Variants in MGAM observed in about 807,000 individuals in gnomAD.
The protein encoded by MGAM is alpha-1,4-glucosidase.
In MGAM, 253 loss-of-function variants were observed where a neutral mutation model predicts 358.8. The observed-to-expected ratio is 0.71, with a 90% confidence interval of 0.64 to 0.78. MGAM has a LOEUF of 0.78. Ranked by LOEUF, MGAM falls within the 30% of genes least tolerant of loss-of-function variation. MGAM has a pLI of 0.00. For missense variants in MGAM, 3,080 were observed against 3,432.6 expected (o/e 0.90, Z 2.57); for synonymous variants, 1,105 against 1,227.1 (o/e 0.90, Z 2.08).
chr7:142,041,001 C>A (rs562480216), intron 21 of MGAM, among the ~76,000 whole-genome samples, 155 bp downstream of exon 21: 3 of 152,208 alleles, frequency 2.0e-5, no homozygotes, highest in African/African-American at 7.2e-5. Flanking sequence ...CCTTGGGAGG[C>A]TTTTCAATTC....
At chr7:142,027,877 AC>A in intron 10 of MGAM, 142 bp downstream of exon 10, 6 of 891,754 alleles carry the variant, frequency 6.7e-6, no homozygotes, top group East Asian at 3.5e-5. Context: ...AGAATACTAG[AC>A]ATTTTTTTTT....
intron 6 of MGAM, 89 bp downstream of exon 6, chr7:142,021,826 C>T: frequency 7.2e-7 from 1 of 1,394,680 alleles, no homozygotes; most frequent in Non-Finnish European, 1.0e-6. Context: ...CAACAATATT[C>T]CTGAAGGTTG....
chr7:142,097,220 A>T (rs1816002419), intron 65 of MGAM, among the ~76,000 whole-genome samples: 1 of 152,130 alleles, frequency 6.6e-6, no homozygotes, highest in African/African-American at 2.4e-5. Context: ...GACAGACGTG[A>T]GCCACCGTGT....
rs1240922992 is a variant in MGAM, at chr7:142,094,760, T to G, written c.7355T>G (p.Ile2452Ser). ...CTCTTGTTTCAGACGGGAGCAGATA[T>G]CTGTGGGTTCTTTCAAGATGCTGAA... ...LFGISYTGADICGFFQDAEYE... is the reference protein window; with the variant it reads ...LFGISYTGADSCGFFQDAEYE... The change falls in exon 63 of 71, where the codon ATC becomes AGC. Residue 2452 changes from isoleucine to serine, a missense_variant. Around this residue, in one of 5 missense-constraint regions of MGAM, gnomAD observed 932 missense variants for 1,198.2 expected, o/e 0.78. Coordinates refer to ENST00000475668, the MANE Select transcript of MGAM (RefSeq NM_001365693.1). 1 of 1,613,782 alleles carries G rather than the reference T, an allele frequency of 6.2e-7. No individual in the cohort carries two copies. Among genetic ancestry groups the G allele is most frequent in the East Asian group, 2.2e-5 (1 of 44,866 alleles).
Position 142,102,683 on chromosome 7 carries a change from A to G in MGAM, c.8013+4A>G. 5 of 1,612,770 alleles carry G rather than the reference A, an allele frequency of 3.1e-6. No homozygotes were observed. Among genetic ancestry groups the G allele is most frequent in the Non-Finnish European group, 4.2e-6 (5 of 1,179,206 alleles). ...GGCCAGCTTTTCTGCCAGCCAGGTG[A>G]GTGTGATTGATATGAAGTGAGAATA... On this transcript the variant is annotated splice_donor_region_variant and intron_variant, in intron 69 of 70. Transcript: ENST00000475668.
At chr7:142,104,878 T>G (rs1296770832) in intron 70 of MGAM, among the ~76,000 whole-genome samples, 1 of 151,962 alleles carries the variant, frequency 6.6e-6, no homozygotes, top group African/African-American at 2.4e-5. Context: ...TACTTATTAT[T>G]TTTTTTCCTG....
intron 8 of MGAM, among the ~76,000 whole-genome samples, chr7:142,025,536 A>G (rs1274361708): frequency 6.6e-6 from 1 of 152,190 alleles, no homozygotes; most frequent in East Asian, 1.9e-4. Flanking sequence ...ATGTATCAGA[A>G]TCTCCCAGGA....
rs372605518 is a variant in MGAM, at chr7:142,036,918, C to T, written c.2172C>T (p.Tyr724=). 20 of 1,613,688 alleles carry T rather than the reference C, an allele frequency of 1.2e-5. No homozygotes were observed. In the East Asian group the frequency reaches 2.2e-4, roughly 18 times the overall value. The part of the protein sequence containing the change: ...NIRYTLLPYL[Y]TLFFRAHSRG... Reference sequence around the variant, plus strand: ...GCTATACTCTATTGCCCTACCTATACACCCTCTTCTTCCGTGCTCACAGCC... The same window carrying T: ...GCTATACTCTATTGCCCTACCTATATACCCTCTTCTTCCGTGCTCACAGCC... Residue 724 remains tyrosine (Y), a synonymous_variant, in exon 18 of 71, where the codon TAC becomes TAT. Coordinates refer to ENST00000475668, the MANE Select transcript of MGAM (RefSeq NM_001365693.1).
At chr7:142,050,163 G>A (rs1346016091) in intron 22 of MGAM, 72 bp from the exon 23 acceptor site, 7 of 1,455,878 alleles carry the variant, frequency 4.8e-6, no homozygotes, top group Admixed American at 1.7e-5. Context: ...TAGCTGAAAG[G>A]AGTGGTAGGG....
rs2129057195 is a variant in MGAM, at chr7:142,088,860, T to TCTA, written c.6810+2144_6810+2146dup. Among the ~76,000 whole-genome samples, 2 of 141,440 alleles carry TCTA rather than the reference T, an allele frequency of 1.4e-5. 1 individual carries two copies. The highest frequency in any genetic ancestry group is 4.5e-4 in the South Asian group (2 of 4,396). The allele number at this position is 141,440 out of a possible 152,430, so 92.8% of individuals were successfully genotyped here. A position where few individuals can be genotyped will look rare whatever the true frequency, so the allele number is the denominator to read the frequency against. ...ATCTATCTATCTATCTATCTATCTA[T>TCTA]CTATCTATCTAATCTATCTCCACCT... On this transcript the variant is annotated intron_variant, in intron 57 of 70. Transcript: ENST00000475668.
rs1394181284 is a variant in MGAM, at chr7:142,052,420, T to C, written c.2932T>C (p.Cys978Arg). 2.5e-6 allele frequency: 4 copies of C among 1,613,316 alleles called. No homozygotes were observed. Among genetic ancestry groups the C allele is most frequent in the South Asian group, 1.1e-5 (1 of 90,980 alleles). Reference protein sequence around the residue: ...PDENGASAENCTARGCIWEAS... With the variant: ...PDENGASAENRTARGCIWEAS... Reference sequence around the variant, plus strand: ...TGAGAATGGTGCTTCTGCCGAAAACTGCACTGCCCGTGGCTGTATCTGGGA... The same window carrying C: ...TGAGAATGGTGCTTCTGCCGAAAACCGCACTGCCCGTGGCTGTATCTGGGA... The change falls in exon 25 of 71, where the codon TGC becomes CGC. Residue 978 changes from cysteine (C) to arginine (R), a missense_variant. This residue lies in a region of MGAM where 1,816 missense variants were observed against 1,840.5 expected (regional missense o/e 0.99). Coordinates refer to ENST00000475668, the MANE Select transcript of MGAM (RefSeq NM_001365693.1).
chr7:142,025,203 C>G, intron 8 of MGAM, 54 bp downstream of exon 8: 1 of 1,304,564 alleles, frequency 7.7e-7, no homozygotes, highest in Non-Finnish European at 1.1e-6. Flanking sequence ...CAGTCCCTTT[C>G]TTACAGCACT....
chr7:142,022,587 G>C, intron 7 of MGAM, 148 bp downstream of exon 7: 5 of 775,078 alleles, frequency 6.5e-6, no homozygotes, highest in Non-Finnish European at 9.7e-6. Flanking sequence ...CACCAGTTAC[G>C]TGGTTCTGGG....
intron 47 of MGAM, 120 bp from the exon 48 acceptor site, chr7:142,078,198 G>T (rs1384513284): frequency 1.2e-6 from 1 of 828,436 alleles, no homozygotes; most frequent in Non-Finnish European, 1.8e-6. Flanking sequence ...TGCTTGGATG[G>T]TTGAAAGTCT....
intron 29 of MGAM, 29 bp from the exon 30 acceptor site, chr7:142,056,801 T>G: frequency 1.9e-6 from 3 of 1,609,486 alleles, no homozygotes; most frequent in Non-Finnish European, 2.5e-6. Context: ...AAGGTGTCCG[T>G]GAGGCTTGGC....
chr7:142,092,914 T>A (rs80294527), intron 59 of MGAM, among the ~76,000 whole-genome samples: 4,506 of 146,624 alleles, frequency 0.031, 368 homozygotes, highest in African/African-American at 0.1. Context: ...ATCACAGGAA[T>A]TTTTTGGTGT....
At chr7:141,991,729 C>G (rs1448010714), upstream of MGAM, among the ~76,000 whole-genome samples, 1 of 152,154 alleles carries the variant, frequency 6.6e-6, no homozygotes, top group Non-Finnish European at 1.5e-5. Context: ...GCCACCACAC[C>G]TGGCCGAGAA....
chr7:142,089,146 C>A (rs1373476644), intron 57 of MGAM, among the ~76,000 whole-genome samples: 2 of 145,840 alleles, frequency 1.4e-5, no homozygotes, highest in African/African-American at 4.9e-5. Flanking sequence ...CCTGCCCAGC[C>A]AGAGAAGTTC....
chr7:142,045,074 GT>G (rs1809887339), intron 21 of MGAM, among the ~76,000 whole-genome samples: 1 of 61,008 alleles, frequency 1.6e-5, no homozygotes, highest in Non-Finnish European at 3.2e-5. Context: ...ATATATACGT[GT>G]AATATATGAT....
Sources: gnomAD v4.1 joint callset for allele counts (sites outside exome capture counted in the v4.1 genomes callset) on GRCh38, gnomAD v4.1.1 for gene constraint, gnomAD v4.1.1 regional missense constraint, MANE v1.5 for transcripts, NCBI Gene and HGNC (gene_info 2026-07-23, HGNC 2026-07-21) for gene names.